Variants in TACC1 observed in about 807,000 individuals in gnomAD.
TACC1 encodes transforming acidic coiled-coil containing protein 1.
Under a neutral mutation model 84.4 loss-of-function variants are expected in TACC1, and 48 were observed. The ratio of observed to expected loss-of-function variants is 0.57; its 90% CI spans 0.45 to 0.72. The LOEUF (loss-of-function observed/expected upper bound fraction) is 0.72. Ranked by LOEUF, TACC1 falls within the 30% of genes least tolerant of loss-of-function variation. The probability of loss-of-function intolerance (pLI) is 0.00; values close to 1 mark genes in which losing one functional copy is unlikely to be tolerated. For synonymous variants in TACC1, 372 were observed against 376.3 expected, an observed-to-expected ratio of 0.99 and a Z score of 0.13; for missense variants, 920 against 973.0, an observed-to-expected ratio of 0.95 and a Z score of 0.72.
At chr8:38,843,203 A>G (rs1831579317) in intron 10 of TACC1, 86 bp from the exon 11 acceptor site, 1 of 914,336 alleles carries the variant, frequency 1.1e-6, no homozygotes, top group Non-Finnish European at 1.6e-6. Context: ...AGATTTTTCC[A>G]TTCTTTAAAA....
chr8:38,764,258 A>G (rs1462102137), intron 3 of TACC1, among the ~76,000 whole-genome samples: 2 of 151,904 alleles, frequency 1.3e-5, no homozygotes, highest in South Asian at 2.1e-4. Context: ...TTGTATTTTT[A>G]GTAGAGACAG....
chr8:38,793,621 T>G (rs1404637503), intron 2 of TACC1, among the ~76,000 whole-genome samples: 4 of 152,086 alleles, frequency 2.6e-5, no homozygotes, highest in Admixed American at 2.0e-4. Flanking sequence ...AATATATATT[T>G]TGGTAGATAT....
At chr8:38,762,581 G>A (rs1255683983) in intron 3 of TACC1, among the ~76,000 whole-genome samples, 2 of 151,282 alleles carry the variant, frequency 1.3e-5, no homozygotes, top group Non-Finnish European at 2.9e-5. Flanking sequence ...TGGGGGGACA[G>A]AGTCTCACTC....
At chr8:38,818,611 G>A (rs912794217) in intron 2 of TACC1, among the ~76,000 whole-genome samples, 4 of 151,918 alleles carry the variant, frequency 2.6e-5, no homozygotes, top group African/African-American at 7.3e-5. Flanking sequence ...GTAAAATAAG[G>A]GCTATTTGTT....
chr8:38,840,421 T>A (rs1252971717), intron 9 of TACC1, 154 bp downstream of exon 9: 1 of 617,424 alleles, frequency 1.6e-6, no homozygotes, highest in African/African-American at 1.9e-5. Flanking sequence ...TGCCCACAGA[T>A]GAGATGTCTG....
At chr8:38,762,575 G>A (rs942444049) in intron 3 of TACC1, among the ~76,000 whole-genome samples, 7 of 150,752 alleles carry the variant, frequency 4.6e-5, no homozygotes, top group Non-Finnish European at 1.0e-4. Context: ...TTTTTTTGGG[G>A]GGACAGAGTC....
intron 3 of TACC1, among the ~76,000 whole-genome samples, chr8:38,753,068 T>G (rs1458812580): frequency 2.0e-5 from 3 of 152,184 alleles, no homozygotes; most frequent in African/African-American, 7.2e-5. Flanking sequence ...ACTATTCATA[T>G]CATCATTAGG....
Position 38,733,455 on chromosome 8 carries a change from G to C in TACC1, c.-675+4784G>C, listed in dbSNP as rs188065682. 5.3e-5 allele frequency among the ~76,000 whole-genome samples: 8 copies of C among 152,218 alleles called. No individual in the cohort carries two copies. The East Asian group carries it at 1.5e-3, about 29-fold the overall frequency. On this transcript the variant is annotated intron_variant, in intron 1 of 14. Coordinates refer to the TACC1 transcript ENST00000518415. ...ACAGTGACTAGGGGAGATGCACTTAGGGCAGGGAGATTCCCAGGAAACCCC... is the reference window on the plus strand; with the variant it reads ...ACAGTGACTAGGGGAGATGCACTTACGGCAGGGAGATTCCCAGGAAACCCC...
At chr8:38,773,298 C>T (rs939213278) in intron 3 of TACC1, among the ~76,000 whole-genome samples, 11 of 151,134 alleles carry the variant, frequency 7.3e-5, no homozygotes, top group Admixed American at 2.6e-4. Flanking sequence ...GCACTCTAGC[C>T]TGAATGAAAG....
chr8:38,846,283 CAAAA>C (rs538545237), intron 11 of TACC1: 9 of 59,654 alleles, frequency 1.5e-4, no homozygotes, highest in East Asian at 5.5e-4. Flanking sequence ...GACTCCATCT[CAAAA>C]AAAAAAAAAA....
At chr8:38,807,043 T>C (rs1021411583) in intron 2 of TACC1, among the ~76,000 whole-genome samples, 1 of 152,168 alleles carries the variant, frequency 6.6e-6, no homozygotes, top group East Asian at 1.9e-4. Flanking sequence ...TTATAAAGGA[T>C]ACAACTCAGA....
At chr8:38,829,712 T>C (rs7005388) in intron 5 of TACC1, among the ~76,000 whole-genome samples, 83,020 of 152,084 alleles carry the variant, frequency 0.55, 22,824 homozygotes, top group Middle Eastern at 0.59. Flanking sequence ...ATTCCTTCAA[T>C]AAAAATTTAT....
chr8:38,775,007 T>A, intron 3 of TACC1, among the ~76,000 whole-genome samples: 1 of 84,092 alleles, frequency 1.2e-5, no homozygotes, highest in Non-Finnish European at 2.8e-5. Flanking sequence ...TGAGACTCCG[T>A]CTCAAAAAAA....
intron 11 of TACC1, among the ~76,000 whole-genome samples, chr8:38,843,811 A>T (rs7009521): frequency 1.3e-5 from 2 of 151,922 alleles, no homozygotes; most frequent in African/African-American, 4.8e-5. Flanking sequence ...TTATTTAACA[A>T]TCCCCTCCTG....
At chr8:38,823,913 G>C in intron 3 of TACC1, 1 of 1,071,228 alleles carries the variant, frequency 9.3e-7, no homozygotes, top group Non-Finnish European at 1.3e-6. Flanking sequence ...GACTAGAGTT[G>C]AATATTCCAG....
chr8:38,732,324 A>G (rs1394111856), intron 1 of TACC1, among the ~76,000 whole-genome samples: 7 of 151,550 alleles, frequency 4.6e-5, no homozygotes, highest in African/African-American at 1.5e-4. Flanking sequence ...TTTTTTTTCA[A>G]TGCCATCTGC....
At chr8:38,834,397 A>T (rs925089642) in intron 6 of TACC1, among the ~76,000 whole-genome samples, 2 of 152,332 alleles carry the variant, frequency 1.3e-5, no homozygotes, top group Admixed American at 1.3e-4. Context: ...TATTCTAATG[A>T]GTCACTAGGT....
chr8:38,746,704 T>C (rs1367543447), intron 3 of TACC1, among the ~76,000 whole-genome samples: 1 of 152,218 alleles, frequency 6.6e-6, no homozygotes, highest in Non-Finnish European at 1.5e-5. Flanking sequence ...ATTATACTTT[T>C]CAGCTGTAGA....
chr8:38,829,005 G>T (rs1201215192), intron 5 of TACC1, among the ~76,000 whole-genome samples: 3 of 152,164 alleles, frequency 2.0e-5, no homozygotes, highest in African/African-American at 7.2e-5. Flanking sequence ...GGCTAACCAG[G>T]GTGGAAGCCT....
Sources: gnomAD v4.1 joint callset for allele counts (sites outside exome capture counted in the v4.1 genomes callset) on GRCh38, gnomAD v4.1.1 for gene constraint, MANE v1.5 for transcripts, NCBI Gene and HGNC (gene_info 2026-07-23, HGNC 2026-07-21) for gene names.